BLK: variants seen among roughly 807,000 people sequenced by gnomAD.
BLK encodes the protein tyrosine-protein kinase Blk.
A neutral mutation model predicts 61.8 loss-of-function variants in BLK; 64 were observed. The observed-to-expected ratio is 1.03, with a 90% CI of 0.85 to 1.27. BLK has a LOEUF of 1.27. Ranked by LOEUF, BLK falls within the 50% of genes most tolerant of loss-of-function variation. BLK has a pLI of 0.00. For missense variants in BLK, 853 were observed against 660.5 expected, an observed-to-expected ratio of 1.29 and a Z score of -3.19; for synonymous variants, 351 against 272.0, an observed-to-expected ratio of 1.29 and a Z score of -2.86.
chr8:11,497,340 G>A (rs1798396437), intron 1 of BLK, among the ~76,000 whole-genome samples: 1 of 152,122 alleles, frequency 6.6e-6, no homozygotes, highest in Non-Finnish European at 1.5e-5. Flanking sequence ...AATGTTCCCT[G>A]GCGTGCTCCT....
At chr8:11,531,958 A>G (rs1799902783) in intron 1 of BLK, among the ~76,000 whole-genome samples, 1 of 152,020 alleles carries the variant, frequency 6.6e-6, no homozygotes, top group Non-Finnish European at 1.5e-5. Context: ...TCTCGAGTTC[A>G]AGTGATTCTT....
intron 2 of BLK, among the ~76,000 whole-genome samples, chr8:11,544,451 T>C (rs1800530005): frequency 6.6e-6 from 1 of 152,150 alleles, no homozygotes. Flanking sequence ...TCCCACTTCC[T>C]AGATGAACCC....
intron 2 of BLK, among the ~76,000 whole-genome samples, chr8:11,544,862 TACACCAAAACGC>T (rs1800552812): frequency 1.3e-5 from 2 of 152,172 alleles, no homozygotes; most frequent in African/African-American, 4.8e-5. Flanking sequence ...GTTGAAAGAA[TACACCAAAACGC>T]ACACTTGTAT....
At chr8:11,517,808 T>C (rs1002891796) in intron 1 of BLK, among the ~76,000 whole-genome samples, 1 of 152,212 alleles carries the variant, frequency 6.6e-6, no homozygotes. Context: ...CTCTTGGTCC[T>C]GTCACAGGGA....
chr8:11,551,288 G>A (rs773464855), intron 6 of BLK, among the ~76,000 whole-genome samples: 7 of 152,192 alleles, frequency 4.6e-5, no homozygotes, highest in South Asian at 2.1e-4. Flanking sequence ...GGAAGTCCAC[G>A]ACCAAAGTGT....
In BLK at chr8:11,563,983, T is replaced by C. The variant is rs1343166542; in HGVS notation, c.1393T>C (p.Tyr465His). Residue 465 changes from tyrosine (Y) to histidine (H), a missense_variant, in exon 13 of 13, where the codon TAC (tyrosine) becomes CAC (histidine). Tyr to His is a moderately conservative substitution (Grantham distance 83). Coordinates refer to ENST00000259089, the MANE Select transcript of BLK (RefSeq NM_001715.3). ...CCCCGACACCTGCCCGCCCGAGCTG[T>C]ACCGCGGCGTCATCGCCGAGTGCTG... Reference protein sequence around the residue: ...PRPDTCPPELYRGVIAECWRS... With the variant: ...PRPDTCPPELHRGVIAECWRS... 3.1e-6 allele frequency: 5 copies of C among 1,606,148 alleles called. No individual in the cohort carries two copies. The highest frequency in any genetic ancestry group is 2.2e-5 in the East Asian group (1 of 44,862).
intron 1 of BLK, among the ~76,000 whole-genome samples, 191 bp from the exon 2 acceptor site, chr8:11,543,033 C>T (rs535986140): frequency 1.3e-5 from 2 of 152,180 alleles, no homozygotes; most frequent in South Asian, 2.1e-4. Flanking sequence ...TATGGGCCCC[C>T]GAAAAAAGAT....
intron 2 of BLK, chr8:11,545,713 C>T: frequency 2.7e-6 from 1 of 369,614 alleles, no homozygotes; most frequent in South Asian, 3.4e-5. Flanking sequence ...TTTTTCTTGT[C>T]AACAAATACC....
intron 1 of BLK, among the ~76,000 whole-genome samples, chr8:11,535,777 C>A (rs575104733): frequency 6.6e-6 from 1 of 152,204 alleles, no homozygotes; most frequent in South Asian, 2.1e-4. Context: ...ATCACCTCCT[C>A]GACAGCATCT....
At chr8:11,540,802 A>C (rs138603862) in intron 1 of BLK, among the ~76,000 whole-genome samples, 1 of 151,944 alleles carries the variant, frequency 6.6e-6, no homozygotes, top group East Asian at 1.9e-4. Flanking sequence ...ACTGAGTTCT[A>C]TTTAGCCTGT....
rs111960349 is a variant in BLK, at chr8:11,559,131, C to T, written c.1029+1093C>T. On this transcript the variant is annotated intron_variant, in intron 10 of 12. Coordinates refer to ENST00000259089, the MANE Select transcript of BLK (RefSeq NM_001715.3). ...TCCCCACTACACCCCCTTGGGAAAT[C>T]TCGTGTGACCCAGGGGCAAAGGATG... 5.3e-3 allele frequency: 2,019 copies of T among 381,190 alleles called. 25 individuals are homozygous for T. Among genetic ancestry groups the T allele is most frequent in the African/African-American group, 0.038 (1,829 of 47,864 alleles). 23.6% of individuals were successfully genotyped at this position (381,190 alleles called of 1,614,324 possible).
rs376140772 is a variant in BLK at position 11,563,026 on chromosome 8, G to C, written c.1228G>C (p.Gly410Arg). 43 of 1,614,154 alleles carry C rather than the reference G, an allele frequency of 2.7e-5. No individual in the cohort carries two copies. Among genetic ancestry groups the C allele is most frequent in the Non-Finnish European group, 3.5e-5 (41 of 1,180,038 alleles). ...KWTAPEAIHF[G>R]VFTIKADVWS... is the part of the protein sequence containing the mutation. ...GACAGCCCCGGAAGCCATCCACTTCGGGGTCTTCACCATCAAAGCAGACGT... is the reference window on the plus strand; with the variant it reads ...GACAGCCCCGGAAGCCATCCACTTCCGGGTCTTCACCATCAAAGCAGACGT... The change falls in exon 12 of 13, where the codon GGG (glycine) becomes CGG (arginine). Residue 410 changes from glycine to arginine, a missense_variant. Gly to Arg is a moderately radical substitution (Grantham distance 125). Transcript: ENST00000259089.
chr8:11,524,738 C>T (rs6993287), intron 1 of BLK, among the ~76,000 whole-genome samples: 3,086 of 152,102 alleles, frequency 0.02, 98 homozygotes, highest in African/African-American at 0.07. Flanking sequence ...CTGGGGTGTG[C>T]GGCAGAAGAA....
At chr8:11,547,520 G>A (rs1225632022) in intron 3 of BLK, among the ~76,000 whole-genome samples, 1 of 152,230 alleles carries the variant, frequency 6.6e-6, no homozygotes, top group East Asian at 1.9e-4. Context: ...GTCACTGGCA[G>A]CCATAGACAG....
At chr8:11,517,652 G>C (rs1022546516) in intron 1 of BLK, among the ~76,000 whole-genome samples, 2 of 152,214 alleles carry the variant, frequency 1.3e-5, no homozygotes, top group African/African-American at 2.4e-5. Context: ...TGGGGGCCAG[G>C]AGACAGCCAC....
intron 1 of BLK, among the ~76,000 whole-genome samples, chr8:11,520,542 A>G (rs1799408636): frequency 6.6e-6 from 1 of 151,646 alleles, no homozygotes; most frequent in African/African-American, 2.4e-5. Flanking sequence ...GAAAAGAAAA[A>G]AGAAAAAAGG....
At chr8:11,496,986 C>T (rs1289405092) in intron 1 of BLK, among the ~76,000 whole-genome samples, 1 of 152,046 alleles carries the variant, frequency 6.6e-6, no homozygotes, top group African/African-American at 2.4e-5. Flanking sequence ...AGCATCCTGG[C>T]TTGCAGGGTT....
chr8:11,562,128 T>G (rs1014906674), intron 11 of BLK, among the ~76,000 whole-genome samples: 5 of 152,198 alleles, frequency 3.3e-5, no homozygotes, highest in African/African-American at 1.2e-4. Context: ...TATTTTTATA[T>G]AGTCCCTATT....
At chr8:11,523,010 C>G (rs1799514624) in intron 1 of BLK, among the ~76,000 whole-genome samples, 1 of 151,712 alleles carries the variant, frequency 6.6e-6, no homozygotes, top group Admixed American at 6.6e-5. Context: ...GAAAGTGTAC[C>G]AAAATATGAA....
Sources: gnomAD v4.1 joint callset for allele counts (sites outside exome capture counted in the v4.1 genomes callset) on GRCh38, gnomAD v4.1.1 for gene constraint, MANE v1.5 for transcripts, NCBI Gene and HGNC (gene_info 2026-07-23, HGNC 2026-07-21) for gene names.